The following CNTN5 variants were observed in gnomAD, a reference collection of about 807,000 sequenced individuals.
The protein encoded by CNTN5 is contactin-5.
A neutral mutation model predicts 129.1 loss-of-function variants in CNTN5; 77 were observed. The ratio of observed to expected loss-of-function variants is 0.60; its 90% CI spans 0.50 to 0.72. The LOEUF is 0.72. Among genes scored for constraint, CNTN5 ranks in the 30% least tolerant of loss-of-function variants. The pLI is 0.00. For missense variants in CNTN5, 1,478 were observed against 1,328.8 expected (o/e 1.11, Z -1.75); for synonymous variants, 509 against 465.6 (o/e 1.09, Z -1.20).
chr11:99,942,904 A>T (rs191777171), intron 7 of CNTN5, among the ~76,000 whole-genome samples: 18 of 152,168 alleles, frequency 1.2e-4, no homozygotes, highest in Admixed American at 1.2e-3. Flanking sequence ...CCACATATGG[A>T]ATATGTGGTG....
At chr11:100,056,692 G>C (rs957341483) in intron 9 of CNTN5, among the ~76,000 whole-genome samples, 42 of 151,794 alleles carry the variant, frequency 2.8e-4, no homozygotes, top group African/African-American at 9.4e-4. Context: ...ATCTCAGTCT[G>C]ACAGATCAGT....
chr11:99,899,561 C>A (rs1949299167), intron 6 of CNTN5, among the ~76,000 whole-genome samples: 1 of 152,170 alleles, frequency 6.6e-6, no homozygotes, highest in South Asian at 2.1e-4. Context: ...ATCCTTGCAT[C>A]CCTTGAGCGA....
intron 1 of CNTN5, among the ~76,000 whole-genome samples, chr11:99,217,754 C>G (rs898430839): frequency 6.6e-6 from 1 of 152,054 alleles, no homozygotes; most frequent in Non-Finnish European, 1.5e-5. Flanking sequence ...ACCCACTCAT[C>G]TAGTAGGTTT....
intron 3 of CNTN5, among the ~76,000 whole-genome samples, chr11:99,641,006 A>T (rs1387248070): frequency 1.3e-5 from 2 of 152,212 alleles, no homozygotes; most frequent in Non-Finnish European, 2.9e-5. Flanking sequence ...ATGCTTAAAC[A>T]TACTTTTGTA....
At chr11:99,642,141 G>T (rs186451616) in intron 3 of CNTN5, among the ~76,000 whole-genome samples, 1 of 152,118 alleles carries the variant, frequency 6.6e-6, no homozygotes, top group Non-Finnish European at 1.5e-5. Flanking sequence ...GTAGCCTCTG[G>T]TCATGTTCCC....
chr11:99,407,964 G>T (rs572476325), intron 2 of CNTN5, among the ~76,000 whole-genome samples: 2 of 152,120 alleles, frequency 1.3e-5, no homozygotes, highest in South Asian at 2.1e-4. Context: ...TCGGTGATTC[G>T]GAACTGTTTT....
intron 15 of CNTN5, among the ~76,000 whole-genome samples, chr11:100,208,136 TAAG>T (rs1007898649): frequency 7.2e-5 from 11 of 152,196 alleles, no homozygotes; most frequent in African/African-American, 2.7e-4. Context: ...GGAAAGGAAA[TAAG>T]AAGTTGTTAT....
At chr11:99,995,175 T>C (rs1400157193) in intron 8 of CNTN5, among the ~76,000 whole-genome samples, 7 of 152,194 alleles carry the variant, frequency 4.6e-5, no homozygotes, top group Admixed American at 2.6e-4. Flanking sequence ...TTCCCTTCTA[T>C]GTCCTCAGTA....
intron 2 of CNTN5, among the ~76,000 whole-genome samples, chr11:99,466,525 A>C (rs1255214218): frequency 1.3e-5 from 2 of 152,070 alleles, no homozygotes; most frequent in Non-Finnish European, 2.9e-5. Flanking sequence ...CCTGATAAAG[A>C]CTGCAAAGAG....
chr11:99,755,049 G>A (rs1482763144), intron 3 of CNTN5, among the ~76,000 whole-genome samples: 1 of 151,974 alleles, frequency 6.6e-6, no homozygotes, highest in Non-Finnish European at 1.5e-5. Context: ...CTTTGACTTA[G>A]TAATACTCAT....
chr11:99,209,691 A>G, intron 1 of CNTN5, among the ~76,000 whole-genome samples: 1 of 152,194 alleles, frequency 6.6e-6, no homozygotes, highest in East Asian at 1.9e-4. Flanking sequence ...TACGATTAAT[A>G]TCATGAATAG....
At chr11:100,089,081 T>C (rs998808787) in intron 13 of CNTN5, among the ~76,000 whole-genome samples, 3 of 152,178 alleles carry the variant, frequency 2.0e-5, no homozygotes, top group African/African-American at 7.2e-5. Context: ...GTTCAACATA[T>C]GCAAATCAAT....
At chr11:99,469,711 A>G (rs1945097623) in intron 2 of CNTN5, among the ~76,000 whole-genome samples, 2 of 152,062 alleles carry the variant, frequency 1.3e-5, no homozygotes, top group African/African-American at 4.8e-5. Context: ...TTGTCTGTCT[A>G]TGGTTTTATT....
chr11:99,421,623 A>C (rs2135056215), intron 2 of CNTN5, among the ~76,000 whole-genome samples: 1 of 152,274 alleles, frequency 6.6e-6, no homozygotes, highest in South Asian at 2.1e-4. Flanking sequence ...CCATTTTATG[A>C]CTTTTTTGCA....
chr11:99,841,121 A>G (rs887030927), intron 4 of CNTN5, among the ~76,000 whole-genome samples: 1 of 152,114 alleles, frequency 6.6e-6, no homozygotes, highest in Non-Finnish European at 1.5e-5. Flanking sequence ...ATTTCTATTT[A>G]CTGTCATTTA....
intron 3 of CNTN5, among the ~76,000 whole-genome samples, chr11:99,770,327 T>G (rs1349435571): frequency 6.6e-6 from 1 of 152,106 alleles, no homozygotes; most frequent in East Asian, 1.9e-4. Context: ...TTATATCTGT[T>G]CCTTTCAACT....
At chr11:100,137,312 A>T (rs566840356) in intron 13 of CNTN5, among the ~76,000 whole-genome samples, 52 of 152,228 alleles carry the variant, frequency 3.4e-4, no homozygotes, top group Non-Finnish European at 6.9e-4. Context: ...TAATTCAAAG[A>T]GTTTCAAATA....
At chr11:99,717,329 C>A (rs920594439) in intron 3 of CNTN5, among the ~76,000 whole-genome samples, 1 of 151,906 alleles carries the variant, frequency 6.6e-6, no homozygotes, top group East Asian at 1.9e-4. Context: ...TGATCACAGA[C>A]ACATTGTTTC....
At chr11:100,036,372 T>C (rs1400254325) in intron 9 of CNTN5, among the ~76,000 whole-genome samples, 4,037 of 129,640 alleles carry the variant, frequency 0.031, 9 homozygotes, top group East Asian at 0.14. Context: ...TTACTGTAGC[T>C]TTGTAGTATA....
Sources: gnomAD v4.1 joint callset for allele counts (sites outside exome capture counted in the v4.1 genomes callset) on GRCh38, gnomAD v4.1.1 for gene constraint, MANE v1.5 for transcripts, NCBI Gene and HGNC (gene_info 2026-07-23, HGNC 2026-07-21) for gene names.